Variants in RYR3 observed in about 807,000 individuals in gnomAD.
RYR3 encodes ryanodine receptor 3.
In RYR3, 207 loss-of-function variants were observed where a neutral mutation model predicts 584.3. The observed-to-expected ratio is 0.35, with a 90% CI of 0.32 to 0.40. The LOEUF is 0.40. Among genes scored for constraint, RYR3 ranks in the 10% least tolerant of loss-of-function variants. The pLI, the probability that RYR3 is intolerant of heterozygous loss-of-function variation, is 1.00. For missense variants in RYR3, 5,616 were observed against 6,089.2 expected (o/e 0.92, Z 2.59); for synonymous variants, 2,416 against 2,248.5 (o/e 1.07, Z -2.11).
intron 59 of RYR3, among the ~76,000 whole-genome samples, chr15:33,757,209 C>T (rs1278065379): frequency 1.3e-5 from 2 of 152,170 alleles, no homozygotes; most frequent in African/African-American, 2.4e-5. Context: ...GTGCAGCTGT[C>T]TCGTAGGACT....
rs1384985260 is a variant in RYR3, at chr15:33,633,074, G to C, written c.2993G>C (p.Arg998Thr). The C allele has an allele frequency of 6.2e-7, 1 of 1,613,850 alleles. No individual in the cohort carries two copies. Among genetic ancestry groups the C allele is most frequent in the Non-Finnish European group, 8.5e-7 (1 of 1,179,874 alleles). ...ENAHNVWAKD[R>T]IKQGWTYGIQ... ...GCACACAATGTTTGGGCAAAAGACA[G>C]AATAAAACAAGGATGGACCTATGGC... The change falls in exon 24 of 104, where the codon AGA becomes ACA. Residue 998 changes from arginine (R) to threonine (T), a missense_variant. By Grantham distance (71) the Arg-to-Thr change is moderately conservative. This residue lies in a region of RYR3 where 1,284 missense variants were observed against 1,344.6 expected (regional missense o/e 0.95). Coordinates refer to ENST00000634891, the MANE Select transcript of RYR3 (RefSeq NM_001036.6).
rs1298037466 is a variant in RYR3, at chr15:33,722,704, G to A, written c.6620-11G>A. 6.2e-7 allele frequency: 1 copy of A among 1,608,440 alleles called. No homozygotes were observed. Among genetic ancestry groups the A allele is most frequent in the Non-Finnish European group, 8.5e-7 (1 of 1,176,120 alleles). ...TTTCATTGAGAAGGAAACAGTGCCT[G>A]TCTTCCTCAGGTGAGAGTGTGGAAG... is the stretch of plus-strand genomic sequence containing the variant. On this transcript the variant is annotated splice_polypyrimidine_tract_variant and intron_variant, in intron 43 of 103. Transcript: ENST00000634891.
intron 94 of RYR3, chr15:33,851,810 TTTTA>T (rs528975192): frequency 2.0e-4 from 30 of 152,288 alleles, no homozygotes; most frequent in Admixed American, 3.9e-4. Context: ...ATGGCTTGAT[TTTTA>T]TTTGTTTTAT....
intron 1 of RYR3, among the ~76,000 whole-genome samples, chr15:33,313,361 T>C (rs1595678659): frequency 6.6e-6 from 1 of 152,220 alleles, no homozygotes; most frequent in Non-Finnish European, 1.5e-5. Flanking sequence ...AGATGTTATA[T>C]ATAGTCTTAA....
At chr15:33,348,601 G>T (rs1270144543) in intron 1 of RYR3, among the ~76,000 whole-genome samples, 1 of 151,986 alleles carries the variant, frequency 6.6e-6, no homozygotes, top group African/African-American at 2.4e-5. Context: ...TCAGCTTCCT[G>T]AGTAGCTGGG....
At chr15:33,834,272 A>G (rs1018774668) in intron 86 of RYR3, among the ~76,000 whole-genome samples, 2 of 141,554 alleles carry the variant, frequency 1.4e-5, no homozygotes, top group Admixed American at 1.5e-4. Context: ...TGACAGAGCA[A>G]AAATCTGTCT....
chr15:33,548,864 A>G (rs2056451140), intron 9 of RYR3, among the ~76,000 whole-genome samples: 2 of 152,136 alleles, frequency 1.3e-5, no homozygotes, highest in African/African-American at 2.4e-5. Context: ...GCTTGGAATG[A>G]GAGAGGAGGG....
intron 42 of RYR3, 23 bp from the exon 43 acceptor site, chr15:33,706,895 AC>A (rs1365446420): frequency 1.3e-6 from 2 of 1,576,882 alleles, no homozygotes; most frequent in Non-Finnish European, 1.7e-6. Context: ...GTGCGAAAGA[AC>A]ACTTTTGTAC....
At chr15:33,359,348 G>T (rs573835859) in intron 1 of RYR3, among the ~76,000 whole-genome samples, 2 of 152,220 alleles carry the variant, frequency 1.3e-5, no homozygotes, top group Admixed American at 6.5e-5. Context: ...AGTCTTTAAA[G>T]CCCCTGTGTG....
chr15:33,577,184 C>T (rs1287746886), intron 12 of RYR3, among the ~76,000 whole-genome samples: 2 of 152,112 alleles, frequency 1.3e-5, no homozygotes, highest in African/African-American at 4.8e-5. Flanking sequence ...TGAAAATGGC[C>T]ATACTGCCCA....
intron 1 of RYR3, among the ~76,000 whole-genome samples, chr15:33,391,672 C>A (rs1179648881): frequency 6.6e-6 from 1 of 151,830 alleles, no homozygotes; most frequent in East Asian, 1.9e-4. Flanking sequence ...ACCAAATAGG[C>A]CGAATAAATA....
At chr15:33,383,337 G>C (rs184596558) in intron 1 of RYR3, among the ~76,000 whole-genome samples, 1 of 148,452 alleles carries the variant, frequency 6.7e-6, no homozygotes, top group African/African-American at 2.5e-5. Flanking sequence ...ATAGAAAAAG[G>C]CCAGAAAAAT....
intron 87 of RYR3, among the ~76,000 whole-genome samples, chr15:33,836,691 A>G (rs2078074448): frequency 6.6e-6 from 1 of 152,210 alleles, no homozygotes; most frequent in Non-Finnish European, 1.5e-5. Context: ...GGAAAAATGT[A>G]AAGGAGCTTT....
chr15:33,861,239 C>T (rs1301795018), intron 102 of RYR3, 61 bp downstream of exon 102: 4 of 1,219,086 alleles, frequency 3.3e-6, no homozygotes, highest in Non-Finnish European at 1.2e-6. Context: ...CCAATTAGGT[C>T]ATATAGTTCA....
At chr15:33,630,424 A>C (rs1366996171) in intron 22 of RYR3, among the ~76,000 whole-genome samples, 2 of 152,214 alleles carry the variant, frequency 1.3e-5, no homozygotes, top group Non-Finnish European at 2.9e-5. Flanking sequence ...CTTCTCCGTG[A>C]TGCTACCCAT....
chr15:33,840,206 G>A (rs2078273118), intron 89 of RYR3, among the ~76,000 whole-genome samples: 1 of 152,160 alleles, frequency 6.6e-6, no homozygotes, highest in Non-Finnish European at 1.5e-5. Context: ...GCTGGGGCAG[G>A]CATACTCCAG....
At chr15:33,431,778 G>A (rs2045174931) in intron 1 of RYR3, among the ~76,000 whole-genome samples, 1 of 152,104 alleles carries the variant, frequency 6.6e-6, no homozygotes, top group Admixed American at 6.6e-5. Flanking sequence ...ATAGAAGACG[G>A]AGGATAATCA....
intron 1 of RYR3, among the ~76,000 whole-genome samples, chr15:33,397,751 T>C (rs2042384789): frequency 6.6e-6 from 1 of 152,238 alleles, no homozygotes; most frequent in African/African-American, 2.4e-5. Flanking sequence ...AACCCTTGCC[T>C]GGCCTTAGGT....
At position 33,528,580 on chromosome 15, in the gene RYR3, A is replaced by T. The variant is rs2054588582; in HGVS notation, c.280-2012A>T. ...CACAAATCTCATCCCCCATCATCAA[A>T]CTTCAGAAAAGGAGACAGTATAGCA... On this transcript the variant is annotated intron_variant, in intron 3 of 103. Coordinates refer to ENST00000634891, the MANE Select transcript of RYR3 (RefSeq NM_001036.6). 2.0e-5 allele frequency among the ~76,000 whole-genome samples: 3 copies of T among 152,106 alleles called. No individual in the cohort carries two copies. The South Asian group carries it at 6.2e-4, about 32-fold the overall frequency.
Sources: gnomAD v4.1 joint callset for allele counts (sites outside exome capture counted in the v4.1 genomes callset) on GRCh38, gnomAD v4.1.1 for gene constraint, gnomAD v4.1.1 regional missense constraint, MANE v1.5 for transcripts, NCBI Gene and HGNC (gene_info 2026-07-23, HGNC 2026-07-21) for gene names.